The following SPIDR variants were observed in gnomAD, a reference collection of about 807,000 sequenced individuals.
SPIDR encodes the protein scaffold protein involved in DNA repair.
A neutral mutation model predicts 104.6 loss-of-function variants in SPIDR; 93 were observed. The ratio of observed to expected loss-of-function variants is 0.89; its 90% CI spans 0.75 to 1.06. SPIDR has a LOEUF of 1.06. SPIDR is among the 50% of genes least tolerant of loss of function. SPIDR has a pLI of 0.00. For synonymous variants in SPIDR, 431 were observed against 416.9 expected (o/e 1.03, Z -0.41); for missense variants, 1,154 against 1,111.2 (o/e 1.04, Z -0.55).
chr8:47,425,442 C>T lies in SPIDR; in HGVS notation c.878-14881C>T, dbSNP rs140270570. Among the ~76,000 whole-genome samples the T allele has an allele frequency of 3.4e-3, 524 of 152,200 alleles. 7 individuals carry two copies. Among genetic ancestry groups the T allele is most frequent in the African/African-American group, 0.012 (496 of 41,512 alleles). ...ACAGGTTAGTAAAGTGCAGGGTCTG[C>T]ATGGGCATGGTAGGAGCTGTGCAGG... is the stretch of plus-strand genomic sequence containing the variant. On this transcript the variant is annotated intron_variant, in intron 7 of 19. Transcript: ENST00000297423.
intron 8 of SPIDR, among the ~76,000 whole-genome samples, chr8:47,568,162 G>T (rs1023173403): frequency 2.0e-5 from 3 of 152,048 alleles, no homozygotes; most frequent in Non-Finnish European, 4.4e-5. Flanking sequence ...TTAATATATG[G>T]AGAGTTTGGT....
intron 2 of SPIDR, among the ~76,000 whole-genome samples, chr8:47,282,510 C>A (rs2037990233): frequency 6.6e-6 from 1 of 152,220 alleles, no homozygotes; most frequent in African/African-American, 2.4e-5. Flanking sequence ...CATGAACCAA[C>A]CTCTGCTAGC....
At chr8:47,592,178 G>A (rs1339750074) in intron 8 of SPIDR, 1 of 1,395,222 alleles carries the variant, frequency 7.2e-7, no homozygotes, top group Admixed American at 1.7e-5. Flanking sequence ...CCTAGTTCAT[G>A]CTCTAGCTGT....
chr8:47,329,515 G>A lies in SPIDR; in HGVS notation c.525+35485G>A, dbSNP rs576559461. ...AGCCACTGTACCCAGCCTACAATAT[G>A]TTTTTGAGTGAGATTTCATGGGTTG... On this transcript the variant is annotated intron_variant, in intron 5 of 19. Transcript: ENST00000297423. Among the ~76,000 whole-genome samples the A allele has an allele frequency of 1.2e-3, 186 of 152,248 alleles. 1 individual carries two copies. The highest frequency in any genetic ancestry group is 1.8e-3 in the Non-Finnish European group (122 of 68,012).
intron 5 of SPIDR, among the ~76,000 whole-genome samples, chr8:47,333,658 G>C (rs1554606236): frequency 6.6e-6 from 1 of 152,116 alleles, no homozygotes; most frequent in Non-Finnish European, 1.5e-5. Flanking sequence ...ACATAGATTA[G>C]TACCATAGTC....
chr8:47,386,904 GATAT>G (rs35768286), intron 5 of SPIDR, among the ~76,000 whole-genome samples: 15,877 of 125,306 alleles, frequency 0.13, 1,042 homozygotes, highest in Middle Eastern at 0.19. Context: ...GAGAGAGAGA[GATAT>G]AGATATAGAT....
At chr8:47,675,067 G>A (rs994514308) in intron 11 of SPIDR, among the ~76,000 whole-genome samples, 9 of 151,952 alleles carry the variant, frequency 5.9e-5, no homozygotes, top group African/African-American at 2.2e-4. Flanking sequence ...ACAGAGTTTC[G>A]CTCTTGTTAC....
intron 16 of SPIDR, among the ~76,000 whole-genome samples, chr8:47,722,229 C>T (rs958932005): frequency 2.6e-5 from 4 of 152,170 alleles, no homozygotes; most frequent in African/African-American, 9.7e-5. Flanking sequence ...ATTAACCCTG[C>T]AACTTTGCTG....
chr8:47,549,811 T>C lies in SPIDR; in HGVS notation c.1098-46000T>C, dbSNP rs561992407. 2.6e-5 allele frequency among the ~76,000 whole-genome samples: 4 copies of C among 152,334 alleles called. No homozygotes were observed. The South Asian group carries it at 8.3e-4, about 32-fold the overall frequency. ...AATTTTGGCTTTCGTTGCCATTGCT[T>C]TGGGTGTTTTAGTCATGGAGTCCTT... is the stretch of plus-strand genomic sequence containing the variant. On this transcript the variant is annotated intron_variant, in intron 8 of 19. Transcript: ENST00000297423.
intron 8 of SPIDR, among the ~76,000 whole-genome samples, chr8:47,590,956 A>G (rs894717511): frequency 6.6e-6 from 1 of 152,176 alleles, no homozygotes; most frequent in Non-Finnish European, 1.5e-5. Flanking sequence ...ATATTAATAT[A>G]GCACTCCCAC....
intron 14 of SPIDR, among the ~76,000 whole-genome samples, chr8:47,707,030 A>G (rs1481477868): frequency 2.6e-5 from 4 of 152,140 alleles, no homozygotes; most frequent in Non-Finnish European, 5.9e-5. Context: ...AGGCAGGTAC[A>G]TCATCTGAGG....
chr8:47,690,010 A>G (rs1436179287), intron 11 of SPIDR, among the ~76,000 whole-genome samples: 1 of 152,150 alleles, frequency 6.6e-6, no homozygotes, highest in African/African-American at 2.4e-5. Flanking sequence ...TTGTAAGGAG[A>G]CAAGCATTTT....
chr8:47,489,255 G>A (rs2078245751), intron 8 of SPIDR, among the ~76,000 whole-genome samples: 1 of 152,166 alleles, frequency 6.6e-6, no homozygotes, highest in Non-Finnish European at 1.5e-5. Flanking sequence ...ATTCACAGTT[G>A]CTTCAAAAAG....
intron 5 of SPIDR, among the ~76,000 whole-genome samples, chr8:47,300,155 C>A (rs1157468936): frequency 3.9e-5 from 6 of 152,170 alleles, no homozygotes; most frequent in Non-Finnish European, 5.9e-5. Flanking sequence ...TTCAGAGATT[C>A]AGCTTCTTGC....
chr8:47,492,588 C>T (rs2078888744), intron 8 of SPIDR, among the ~76,000 whole-genome samples: 1 of 152,102 alleles, frequency 6.6e-6, no homozygotes, highest in African/African-American at 2.4e-5. Flanking sequence ...GCCCTTTTAC[C>T]TCTTCTCTGA....
At chr8:47,373,463 G>T (rs551551279) in intron 5 of SPIDR, among the ~76,000 whole-genome samples, 3 of 152,036 alleles carry the variant, frequency 2.0e-5, no homozygotes, top group South Asian at 2.1e-4. Flanking sequence ...GGTTTAAAAT[G>T]TGGCAGTAGT....
intron 8 of SPIDR, among the ~76,000 whole-genome samples, chr8:47,484,126 C>A (rs559420037): frequency 2.6e-5 from 4 of 152,228 alleles, no homozygotes; most frequent in Non-Finnish European, 5.9e-5. Context: ...CGAAGATAGA[C>A]CAAGTGCTTG....
At chr8:47,518,586 G>T (rs773606399) in intron 8 of SPIDR, among the ~76,000 whole-genome samples, 1 of 151,982 alleles carries the variant, frequency 6.6e-6, no homozygotes, top group Non-Finnish European at 1.5e-5. Context: ...ACAGCCACTC[G>T]CTAGAACTGG....
At chr8:47,687,684 C>G (rs1209651366) in intron 11 of SPIDR, among the ~76,000 whole-genome samples, 1 of 152,174 alleles carries the variant, frequency 6.6e-6, no homozygotes, top group Non-Finnish European at 1.5e-5. Flanking sequence ...ACCTGCTGCC[C>G]CTACCCTGAT....
Sources: gnomAD v4.1 joint callset for allele counts (sites outside exome capture counted in the v4.1 genomes callset) on GRCh38, gnomAD v4.1.1 for gene constraint, MANE v1.5 for transcripts, NCBI Gene and HGNC (gene_info 2026-07-23, HGNC 2026-07-21) for gene names.